Variants in RYR3 observed in about 807,000 individuals in gnomAD.
The protein encoded by RYR3 is ryanodine receptor 3.
Under a neutral mutation model 584.3 loss-of-function variants are expected in RYR3, and 207 were observed. The observed-to-expected ratio is 0.35, with a 90% CI of 0.32 to 0.40. RYR3 has a LOEUF of 0.40. Ranked by LOEUF, RYR3 falls within the 10% of genes least tolerant of loss-of-function variation. The pLI, the probability that RYR3 is intolerant of heterozygous loss-of-function variation, is 1.00. For missense variants in RYR3, 5,616 were observed against 6,089.2 expected (o/e 0.92, Z 2.59); for synonymous variants, 2,416 against 2,248.5 (o/e 1.07, Z -2.11).
intron 1 of RYR3, among the ~76,000 whole-genome samples, chr15:33,325,777 C>CT (rs1969616088): frequency 1.0e-5 from 1 of 95,342 alleles, no homozygotes; most frequent in Non-Finnish European, 1.9e-5. Flanking sequence ...TTCCTTCCTT[C>CT]TTTCTTTTCT....
chr15:33,419,845 A>C (rs1028357993), intron 1 of RYR3, among the ~76,000 whole-genome samples: 7 of 152,162 alleles, frequency 4.6e-5, no homozygotes, highest in African/African-American at 1.4e-4. Context: ...GATGTACTAC[A>C]TATGTATAAA....
At chr15:33,415,373 A>G (rs936537235) in intron 1 of RYR3, among the ~76,000 whole-genome samples, 2 of 152,152 alleles carry the variant, frequency 1.3e-5, no homozygotes, top group Admixed American at 6.5e-5. Flanking sequence ...AGATATTTCC[A>G]TATTTTCCCT....
intron 1 of RYR3, among the ~76,000 whole-genome samples, chr15:33,438,452 G>A (rs1260792241): frequency 1.3e-5 from 2 of 151,944 alleles, no homozygotes; most frequent in African/African-American, 2.4e-5. Context: ...GTCTCACTAA[G>A]CATAACTTTA....
chr15:33,556,654 C>T (rs1156472165), intron 10 of RYR3, among the ~76,000 whole-genome samples: 1 of 152,152 alleles, frequency 6.6e-6, no homozygotes, highest in Non-Finnish European at 1.5e-5. Flanking sequence ...GAAACATGAA[C>T]CTGTAGAATA....
intron 1 of RYR3, among the ~76,000 whole-genome samples, chr15:33,448,921 C>T (rs1023516665): frequency 6.6e-6 from 1 of 152,028 alleles, no homozygotes; most frequent in East Asian, 1.9e-4. Context: ...TGATTATCCT[C>T]GTCTTCCACA....
chr15:33,657,058 C>T (rs1164573266), intron 32 of RYR3, among the ~76,000 whole-genome samples: 2 of 152,200 alleles, frequency 1.3e-5, no homozygotes, highest in Admixed American at 1.3e-4. Flanking sequence ...TACCACACCA[C>T]CAATTGCCCA....
At chr15:33,466,598 C>T (rs952325948) in intron 1 of RYR3, among the ~76,000 whole-genome samples, 6 of 152,138 alleles carry the variant, frequency 3.9e-5, no homozygotes, top group Admixed American at 6.5e-5. Context: ...GGACACTGGA[C>T]GAGTTATTCT....
At chr15:33,496,940 G>T (rs773515744) in intron 2 of RYR3, among the ~76,000 whole-genome samples, 1 of 152,010 alleles carries the variant, frequency 6.6e-6, no homozygotes. Context: ...AAAATTCCTT[G>T]AAGGACAGAA....
intron 39 of RYR3, 101 bp downstream of exon 39, chr15:33,696,592 T>A: frequency 1.6e-6 from 2 of 1,277,872 alleles, no homozygotes. Context: ...TCATATTAAA[T>A]CTTTGTGTGA....
In RYR3 at chr15:33,390,654, T is replaced by A. The variant is rs1172814094; in HGVS notation, c.51+79558T>A. Among the ~76,000 whole-genome samples, 1 of 152,158 alleles carries A rather than the reference T, an allele frequency of 6.6e-6. No individual in the cohort carries two copies. The highest frequency in any genetic ancestry group is 1.5e-5 in the Non-Finnish European group (1 of 68,036). On this transcript the variant is annotated intron_variant, in intron 1 of 103. Coordinates refer to ENST00000634891, the MANE Select transcript of RYR3 (RefSeq NM_001036.6). This position sits in a 1 kb window ranked among gnomAD's most constrained non-coding sequence, Gnocchi z 4.2. Reference sequence around the variant, plus strand: ...CCGACACCTGGGAACTTGGTACTTGTCCCATTCTCTAAGAAATCAGAGTGG... The same window carrying A: ...CCGACACCTGGGAACTTGGTACTTGACCCATTCTCTAAGAAATCAGAGTGG...
At chr15:33,597,152 G>C (rs2059417448) in intron 16 of RYR3, among the ~76,000 whole-genome samples, 1 of 152,118 alleles carries the variant, frequency 6.6e-6, no homozygotes, top group Non-Finnish European at 1.5e-5. Context: ...GTTTTGGGCT[G>C]GGCTTGTAGT....
At chr15:33,740,723 C>A (rs756808482) in intron 51 of RYR3, among the ~76,000 whole-genome samples, 29 of 152,308 alleles carry the variant, frequency 1.9e-4, no homozygotes, top group Non-Finnish European at 4.0e-4. Context: ...TCAGAGTGAG[C>A]AGGGAAAGTA....
chr15:33,852,050 G>A (rs184577789), intron 94 of RYR3: 1 of 12,082 alleles, frequency 8.3e-5, no homozygotes, highest in African/African-American at 1.8e-4. Flanking sequence ...CACCCTGTTG[G>A]GGGAGAGGCG....
Position 33,628,611 on chromosome 15 carries a change from G to A in RYR3, c.2679+36G>A, listed in dbSNP as rs765077961. 4 of 1,336,542 alleles carry A rather than the reference G, an allele frequency of 3.0e-6. No individual in the cohort carries two copies. The Admixed American group carries it at 6.7e-5, about 22-fold the overall frequency. The allele number at this position is 1,336,542 out of a possible 1,614,324, so 82.8% of individuals were successfully genotyped here. A position where few individuals can be genotyped will look rare whatever the true frequency, so the allele number is the denominator to read the frequency against. ...CAGGGCCAGGTTAGGGTGGAGGGTG[G>A]GATTGCCTTGTTGCCTGGAACTGTT... is the stretch of plus-strand genomic sequence containing the variant. On this transcript the variant is annotated intron_variant, in intron 21 of 103. Coordinates refer to ENST00000634891, the MANE Select transcript of RYR3 (RefSeq NM_001036.6).
rs1033293007 is a variant in RYR3 at position 33,476,775 on chromosome 15, C to T, written c.171+3237C>T. ...TACCCACCATCCTTGCATGAGTGTG[C>T]CCCTTTTATATGTAGCATGAGGGAA... On this transcript the variant is annotated intron_variant, in intron 2 of 103. Coordinates refer to ENST00000634891, the MANE Select transcript of RYR3 (RefSeq NM_001036.6). Among the ~76,000 whole-genome samples the T allele has an allele frequency of 2.6e-5, 4 of 152,148 alleles. No individual in the cohort carries two copies. The East Asian group carries it at 7.7e-4, about 29-fold the overall frequency.
intron 38 of RYR3, among the ~76,000 whole-genome samples, chr15:33,692,061 T>C (rs1459242923): frequency 6.6e-6 from 1 of 152,220 alleles, no homozygotes; most frequent in African/African-American, 2.4e-5. Context: ...TCAGTAATAG[T>C]TCACCTTTAT....
At chr15:33,545,408 G>A (rs1313712178) in intron 8 of RYR3, among the ~76,000 whole-genome samples, 2 of 152,100 alleles carry the variant, frequency 1.3e-5, no homozygotes, top group Non-Finnish European at 2.9e-5. Flanking sequence ...TAGGCACACT[G>A]GAGCAGACAT....
intron 43 of RYR3, among the ~76,000 whole-genome samples, chr15:33,721,904 T>G (rs2067954653): frequency 6.6e-6 from 1 of 152,170 alleles, no homozygotes; most frequent in Non-Finnish European, 1.5e-5. Context: ...GACCCTATCT[T>G]CATTATCTAT....
chr15:33,789,172 G>A (rs1205189997), intron 67 of RYR3, among the ~76,000 whole-genome samples: 1 of 151,874 alleles, frequency 6.6e-6, no homozygotes, highest in Non-Finnish European at 1.5e-5. Context: ...AGAGGGAGGG[G>A]TGGGGAAGAG....
Sources: allele counts gnomAD v4.1 joint callset (sites outside exome capture counted in the v4.1 genomes callset), GRCh38; gene constraint gnomAD v4.1.1; non-coding constraint Gnocchi (gnomAD v3.1); transcripts MANE v1.5; gene names NCBI Gene and HGNC (gene_info 2026-07-23, HGNC 2026-07-21).